SLC4A10: variants seen among roughly 807,000 people sequenced by gnomAD.
SLC4A10 encodes the protein solute carrier family 4 member 10.
In SLC4A10, 42 loss-of-function variants were observed where a neutral mutation model predicts 137.7. The observed-to-expected ratio is 0.30, with a 90% confidence interval of 0.24 to 0.39. SLC4A10 has a LOEUF of 0.39. Among genes scored for constraint, SLC4A10 ranks in the 10% least tolerant of loss-of-function variants. The probability of loss-of-function intolerance (pLI) is 1.00; values close to 1 mark genes in which losing one functional copy is unlikely to be tolerated. For synonymous variants in SLC4A10, 474 were observed against 464.1 expected, an observed-to-expected ratio of 1.02 and a Z score of -0.27; for missense variants, 925 against 1,355.0, an observed-to-expected ratio of 0.68 and a Z score of 4.98.
intron 1 of SLC4A10, among the ~76,000 whole-genome samples, chr2:161,689,283 A>G (rs138807215): frequency 2.6e-3 from 397 of 152,182 alleles, no homozygotes; most frequent in Non-Finnish European, 4.2e-3. Flanking sequence ...TTCACTCACC[A>G]CTCGCTGACT....
At chr2:161,695,732 T>A (rs2124957460) in intron 1 of SLC4A10, among the ~76,000 whole-genome samples, 1 of 152,246 alleles carries the variant, frequency 6.6e-6, no homozygotes, top group South Asian at 2.1e-4. Flanking sequence ...TTATTATAGC[T>A]CTATTTACAG....
chr2:161,675,344 A>G (rs987156886), intron 1 of SLC4A10, among the ~76,000 whole-genome samples: 21 of 152,328 alleles, frequency 1.4e-4, no homozygotes, highest in African/African-American at 5.1e-4. Flanking sequence ...TTAAACCTGA[A>G]GCCTTCTCAC....
In SLC4A10 at chr2:161,983,203, A is replaced by C; in HGVS notation, c.*51A>C. The C allele has an allele frequency of 3.9e-6, 6 of 1,536,790 alleles. No individual in the cohort carries two copies. The highest frequency in any genetic ancestry group is 5.2e-6 in the Non-Finnish European group (6 of 1,147,042). ...GCATTGAAAGCCGAAAAGAGAAGAA[A>C]GCTGACTCAGGGAAAGGTGTTGACA... On this transcript the variant is annotated 3_prime_UTR_variant, in exon 27 of 27. Transcript: ENST00000446997.
At chr2:161,854,927 T>C in intron 4 of SLC4A10, 43 bp from the exon 5 acceptor site, 2 of 1,540,034 alleles carry the variant, frequency 1.3e-6, no homozygotes, top group Non-Finnish European at 1.8e-6. Flanking sequence ...ATCATTAACC[T>C]ACAATATAAT....
intron 11 of SLC4A10, among the ~76,000 whole-genome samples, chr2:161,896,346 G>A (rs1290037187): frequency 5.3e-5 from 8 of 151,594 alleles, no homozygotes; most frequent in South Asian, 2.1e-4. Flanking sequence ...GTCAGGTAGT[G>A]TGATGCCTCC....
At chr2:161,693,396 A>G (rs1260215550) in intron 1 of SLC4A10, among the ~76,000 whole-genome samples, 3 of 152,082 alleles carry the variant, frequency 2.0e-5, no homozygotes, top group Admixed American at 2.0e-4. Context: ...GTGATGGTTA[A>G]AAGTATGGAT....
chr2:161,670,908 A>G (rs2039624112), intron 1 of SLC4A10, among the ~76,000 whole-genome samples: 1 of 152,090 alleles, frequency 6.6e-6, no homozygotes, highest in Non-Finnish European at 1.5e-5. Context: ...CTAAGAGACT[A>G]TTGTGTTCAT....
chr2:161,825,303 C>T (rs1428906622), intron 3 of SLC4A10, among the ~76,000 whole-genome samples: 3 of 152,044 alleles, frequency 2.0e-5, no homozygotes, highest in African/African-American at 4.8e-5. Context: ...GCAGATGCTC[C>T]ATCATCTTCC....
At chr2:161,909,144 A>G (rs13029399) in intron 15 of SLC4A10, among the ~76,000 whole-genome samples, 51 of 148,850 alleles carry the variant, frequency 3.4e-4, no homozygotes, top group African/African-American at 1.1e-3. Flanking sequence ...ATGATGAGTT[A>G]ATGGGTGCAG....
At position 161,874,004 on chromosome 2, in the gene SLC4A10, A is replaced by AG; in HGVS notation, c.948+1dup. 6.3e-7 allele frequency: 1 copy of AG among 1,587,182 alleles called. No homozygotes were observed. On this transcript the variant is annotated frameshift_variant and splice_region_variant, in exon 8 of 27. Transcript: ENST00000446997. LOFTEE classifies it high-confidence loss of function. ...GGACCTCCACACCAGCAAGAGAGAG[A>AG]GGTGAGGGCATACTCGGGCTCTATT... is the stretch of plus-strand genomic sequence containing the variant.
At chr2:161,834,709 T>C (rs1219279065) in intron 3 of SLC4A10, among the ~76,000 whole-genome samples, 7 of 147,788 alleles carry the variant, frequency 4.7e-5, no homozygotes, top group African/African-American at 1.8e-4. Context: ...ACAAAACCTA[T>C]TAACACCTTT....
chr2:161,894,560 C>T lies in SLC4A10; in HGVS notation c.1195-119C>T, dbSNP rs187459800. The T allele has an allele frequency of 8.1e-4, 335 of 414,632 alleles. No individual in the cohort carries two copies. The East Asian group carries it at 0.011, about 14-fold the overall frequency. 25.7% of individuals were successfully genotyped at this position (414,632 alleles called of 1,614,324 possible). On this transcript the variant is annotated intron_variant, in intron 10 of 26. Coordinates refer to ENST00000446997, the MANE Select transcript of SLC4A10 (RefSeq NM_001178015.2). ...AACATAAACTTCTTTAGAGTCAGAG[C>T]TGTCTATTTCTTCAAATTGTTATAA...
At chr2:161,677,234 A>G (rs777075048) in intron 1 of SLC4A10, among the ~76,000 whole-genome samples, 2 of 152,038 alleles carry the variant, frequency 1.3e-5, no homozygotes, top group African/African-American at 2.4e-5. Context: ...ACCTCTGCAC[A>G]TGTTGCTCCC....
At chr2:161,698,398 A>G (rs1034408499) in intron 1 of SLC4A10, among the ~76,000 whole-genome samples, 14 of 152,160 alleles carry the variant, frequency 9.2e-5, no homozygotes, top group African/African-American at 3.4e-4. Flanking sequence ...TTTCAAAGGG[A>G]ATGCTTCCAG....
chr2:161,943,788 C>T (rs1227698316), intron 16 of SLC4A10, among the ~76,000 whole-genome samples: 1 of 151,910 alleles, frequency 6.6e-6, no homozygotes, highest in Non-Finnish European at 1.5e-5. Flanking sequence ...AGTTCTAGTT[C>T]ATTTGATCAA....
chr2:161,674,031 A>T lies in SLC4A10; in HGVS notation c.48+49465A>T, dbSNP rs139730235. 1.7e-4 allele frequency among the ~76,000 whole-genome samples: 26 copies of T among 152,322 alleles called. No homozygotes were observed. In the East Asian group the frequency reaches 4.4e-3, roughly 26 times the overall value. ...AAGTTCATTAAAAATATATTTGAAA[A>T]AATCCACATTTAAAAATAGGTAAGT... On this transcript the variant is annotated intron_variant, in intron 1 of 26. Transcript: ENST00000446997.
At chr2:161,922,723 A>G (rs942731948) in intron 15 of SLC4A10, among the ~76,000 whole-genome samples, 3 of 152,122 alleles carry the variant, frequency 2.0e-5, no homozygotes, top group Non-Finnish European at 2.9e-5. Flanking sequence ...TTTATTTTGT[A>G]AATATTCTGT....
chr2:161,891,842 G>A (rs1018979579), intron 10 of SLC4A10, among the ~76,000 whole-genome samples: 1 of 151,952 alleles, frequency 6.6e-6, no homozygotes, highest in African/African-American at 2.4e-5. Flanking sequence ...TCCCTTGCTG[G>A]CAAGGAGTTG....
intron 15 of SLC4A10, among the ~76,000 whole-genome samples, chr2:161,910,237 C>G (rs1028870769): frequency 6.6e-6 from 1 of 151,970 alleles, no homozygotes; most frequent in Non-Finnish European, 1.5e-5. Context: ...AAAGATATAT[C>G]TAGCTACTCT....
Sources: gnomAD v4.1 joint callset for allele counts (sites outside exome capture counted in the v4.1 genomes callset) on GRCh38, gnomAD v4.1.1 for gene constraint, MANE v1.5 for transcripts, NCBI Gene and HGNC (gene_info 2026-07-23, HGNC 2026-07-21) for gene names.